NOX4: variants seen among roughly 807,000 people sequenced by gnomAD.
The protein encoded by NOX4 is kidney oxidase-1.
Under a neutral mutation model 87.6 loss-of-function variants are expected in NOX4, and 69 were observed. That is an observed-to-expected ratio of 0.79 (90% CI 0.65 to 0.96). The LOEUF (loss-of-function observed/expected upper bound fraction) is 0.96, where lower values mean the gene tolerates loss of function less well. Ranked by LOEUF, NOX4 falls within the 40% of genes least tolerant of loss-of-function variation. The pLI is 0.00. For missense variants in NOX4, 680 were observed against 681.5 expected, an observed-to-expected ratio of 1.00 and a Z score of 0.02; for synonymous variants, 275 against 238.2, an observed-to-expected ratio of 1.15 and a Z score of -1.42.
At chr11:89,568,769 C>T in the NOX4 span, among the ~76,000 whole-genome samples, 5 of 152,146 alleles carry the variant, frequency 3.3e-5, no homozygotes, top group African/African-American at 1.2e-4. Context: ...TCACACTCTA[C>T]TACAAGGCAA....
chr11:89,371,677 A>G (rs1160570951), intron 12 of NOX4, among the ~76,000 whole-genome samples: 1 of 151,738 alleles, frequency 6.6e-6, no homozygotes, highest in Non-Finnish European at 1.5e-5. Context: ...TTTCCAAAAC[A>G]GTAGAAAAAA....
chr11:89,477,242 C>T (rs987005168), intron 2 of NOX4, among the ~76,000 whole-genome samples: 8 of 152,110 alleles, frequency 5.3e-5, no homozygotes, highest in African/African-American at 1.9e-4. Context: ...TGACAGGAGA[C>T]AGTGACAGAT....
chr11:89,546,599 G>A, the NOX4 span: 19 of 152,118 alleles, frequency 1.2e-4, no homozygotes, highest in East Asian at 2.9e-3. Flanking sequence ...ATAATACCAC[G>A]CACTGGGTAG....
chr11:89,547,028 T>C, the NOX4 span, among the ~76,000 whole-genome samples: 2 of 152,176 alleles, frequency 1.3e-5, no homozygotes, highest in African/African-American at 4.8e-5. Flanking sequence ...AAATAATGTA[T>C]ATAAAGCACA....
At chr11:89,352,633 C>T (rs521765) in intron 13 of NOX4, among the ~76,000 whole-genome samples, 2 of 151,942 alleles carry the variant, frequency 1.3e-5, no homozygotes, top group South Asian at 2.1e-4. Flanking sequence ...AACTTTCAGG[C>T]GTCCATGACT....
At chr11:89,570,342 C>T in the NOX4 span, among the ~76,000 whole-genome samples, 3 of 152,114 alleles carry the variant, frequency 2.0e-5, no homozygotes, top group African/African-American at 7.2e-5. Context: ...CTAGGGCCTA[C>T]TTGAGGGTGG....
chr11:89,571,422 G>A, the NOX4 span, among the ~76,000 whole-genome samples: 26 of 151,506 alleles, frequency 1.7e-4, no homozygotes, highest in East Asian at 7.8e-4. Context: ...TCAGCTTCCT[G>A]AGTAACTGGG....
chr11:89,373,989 C>T (rs1211097127), intron 11 of NOX4, among the ~76,000 whole-genome samples: 1 of 151,970 alleles, frequency 6.6e-6, no homozygotes, highest in Admixed American at 6.6e-5. Context: ...CATTCCCTCC[C>T]TTAATTCTCA....
At chr11:89,502,825 A>T (rs966397986), upstream of NOX4, among the ~76,000 whole-genome samples, 21 of 152,198 alleles carry the variant, frequency 1.4e-4, no homozygotes, top group African/African-American at 4.3e-4. Flanking sequence ...CTTTGTAATG[A>T]ATCCATATTT....
At chr11:89,412,182 G>A (rs1478909239) in intron 8 of NOX4, among the ~76,000 whole-genome samples, 3 of 151,988 alleles carry the variant, frequency 2.0e-5, no homozygotes, top group African/African-American at 7.2e-5. Flanking sequence ...AATATTATTA[G>A]GGCTAAAGAG....
At chr11:89,420,932 C>A (rs1943050941) in intron 8 of NOX4, among the ~76,000 whole-genome samples, 1 of 152,248 alleles carries the variant, frequency 6.6e-6, no homozygotes, top group Non-Finnish European at 1.5e-5. Flanking sequence ...CCAAGGGCAT[C>A]CCTTGAGGGG....
chr11:89,487,588 C>T (rs192002066), intron 2 of NOX4, among the ~76,000 whole-genome samples: 20 of 152,202 alleles, frequency 1.3e-4, no homozygotes, highest in Admixed American at 1.2e-3. Context: ...CCAGAAATAA[C>T]ATCATGATTT....
At chr11:89,463,239 T>G (rs955766684) in intron 2 of NOX4, among the ~76,000 whole-genome samples, 3 of 151,928 alleles carry the variant, frequency 2.0e-5, no homozygotes, top group African/African-American at 2.4e-5. Flanking sequence ...TACCACTGAA[T>G]TCTACATCCT....
chr11:89,440,124 C>T (rs1467705316), intron 6 of NOX4, among the ~76,000 whole-genome samples: 2 of 152,020 alleles, frequency 1.3e-5, no homozygotes, highest in Non-Finnish European at 2.9e-5. Flanking sequence ...GAAGAATATA[C>T]GACAGTGAAA....
At chr11:89,404,081 T>A (rs1322949670) in intron 8 of NOX4, among the ~76,000 whole-genome samples, 1 of 152,172 alleles carries the variant, frequency 6.6e-6, no homozygotes, top group African/African-American at 2.4e-5. Context: ...AGATATAGCC[T>A]ATGTATGAGA....
chr11:89,564,437 G>T, the NOX4 span, among the ~76,000 whole-genome samples: 1 of 152,110 alleles, frequency 6.6e-6, no homozygotes, highest in African/African-American at 2.4e-5. Flanking sequence ...CACAAGAACA[G>T]CAAGGGGGAA....
intron 16 of NOX4, among the ~76,000 whole-genome samples, chr11:89,336,812 T>C (rs904870284): frequency 1.4e-4 from 21 of 152,004 alleles, no homozygotes; most frequent in Admixed American, 6.6e-5. Context: ...TTGAGGTAAC[T>C]GAAAACATTC....
At chr11:89,437,357 T>C (rs1294593008) in intron 6 of NOX4, among the ~76,000 whole-genome samples, 1 of 152,144 alleles carries the variant, frequency 6.6e-6, no homozygotes, top group Non-Finnish European at 1.5e-5. Context: ...TAAAGTTGGA[T>C]TCAGTTCATT....
chr11:89,515,506 T>C, the NOX4 span, among the ~76,000 whole-genome samples: 3 of 151,882 alleles, frequency 2.0e-5, no homozygotes, highest in African/African-American at 7.2e-5. Flanking sequence ...CAAATTTTTT[T>C]CACATTCTGT....
Sources: allele counts gnomAD v4.1 joint callset (sites outside exome capture counted in the v4.1 genomes callset), GRCh38; gene constraint gnomAD v4.1.1; transcripts MANE v1.5; gene names NCBI Gene and HGNC (gene_info 2026-07-23, HGNC 2026-07-21).